Variants in CAPSL observed in about 807,000 individuals in gnomAD.
CAPSL encodes the protein calcyphosine like.
Under a neutral mutation model 21.3 loss-of-function variants are expected in CAPSL, and 17 were observed. That is an observed-to-expected ratio of 0.80 (90% CI 0.55 to 1.20). The LOEUF (loss-of-function observed/expected upper bound fraction) is 1.20, where lower values mean the gene tolerates loss of function less well. CAPSL is among the 50% of genes most tolerant of loss of function. The pLI, the probability that CAPSL is intolerant of heterozygous loss-of-function variation, is 0.00. For synonymous variants in CAPSL, 102 were observed against 89.3 expected, an observed-to-expected ratio of 1.14 and a Z score of -0.80; for missense variants, 289 against 259.3, an observed-to-expected ratio of 1.11 and a Z score of -0.79.
chr5:35,913,618 G>A (rs1177535552), intron 2 of CAPSL, among the ~76,000 whole-genome samples: 4 of 152,138 alleles, frequency 2.6e-5, no homozygotes, highest in Non-Finnish European at 4.4e-5. Flanking sequence ...AGCTTCATAA[G>A]TGAAGGAGAA....
chr5:35,912,051 C>A (rs1247142627), intron 2 of CAPSL, among the ~76,000 whole-genome samples: 1 of 152,208 alleles, frequency 6.6e-6, no homozygotes, highest in Non-Finnish European at 1.5e-5. Flanking sequence ...AAACGGCGCA[C>A]CAGGAGATTA....
chr5:35,910,011 C>T lies in CAPSL; in HGVS notation c.380G>A (p.Gly127Glu). ...MQAFRKLDKT[G>E]DGVITIEDLR... ...GTCTTCGATTGTTATAACACCATCT[C>T]CAGTCTTGTCTAACTTTCTAAAAGC... is the stretch of plus-strand genomic sequence containing the variant. Residue 127 changes from glycine (G) to glutamate (E), a missense_variant, in exon 4 of 5, where the codon GGA (glycine) becomes GAA (glutamate). By Grantham distance (98) the Gly-to-Glu change is moderately conservative. Coordinates refer to ENST00000651391, the MANE Select transcript of CAPSL (RefSeq NM_001042625.2). 4 of 1,613,636 alleles carry T rather than the reference C, an allele frequency of 2.5e-6. No homozygotes were observed. Among genetic ancestry groups the T allele is most frequent in the Non-Finnish European group, 3.4e-6 (4 of 1,179,870 alleles).
At chr5:35,932,418 G>T (rs1738845816) in intron 1 of CAPSL, among the ~76,000 whole-genome samples, 1 of 152,048 alleles carries the variant, frequency 6.6e-6, no homozygotes, top group Non-Finnish European at 1.5e-5. Context: ...CCAAGCAAAA[G>T]AAAAGAAAAA....
In CAPSL at chr5:35,910,013, A is replaced by G. The variant is rs1247946055; in HGVS notation, c.378T>C (p.Thr126=). ...CTTCGATTGTTATAACACCATCTCC[A>G]GTCTTGTCTAACTTTCTAAAAGCTT... The part of the protein sequence containing the change: ...IMQAFRKLDK[T]GDGVITIEDL... Residue 126 remains threonine (T), a synonymous_variant, in exon 4 of 5, where the codon ACT becomes ACC. Transcript: ENST00000651391. The G allele has an allele frequency of 2.5e-6, 4 of 1,613,590 alleles. No individual in the cohort carries two copies. The Admixed American group carries it at 5.0e-5, about 20-fold the overall frequency.
intron 1 of CAPSL, among the ~76,000 whole-genome samples, chr5:35,922,071 GA>G (rs35010602): frequency 0.038 from 5,617 of 146,324 alleles, 151 homozygotes; most frequent in African/African-American, 0.072. Context: ...GCAATGTGCA[GA>G]AAAAAAAAAA....
intron 1 of CAPSL, among the ~76,000 whole-genome samples, chr5:35,931,906 C>T (rs1202608937): frequency 6.6e-6 from 1 of 152,156 alleles, no homozygotes; most frequent in Non-Finnish European, 1.5e-5. Context: ...GGACAAAGCC[C>T]AACTGGTACA....
intron 1 of CAPSL, among the ~76,000 whole-genome samples, chr5:35,934,591 T>G (rs1325878682): frequency 6.6e-6 from 1 of 152,200 alleles, no homozygotes; most frequent in Non-Finnish European, 1.5e-5. Flanking sequence ...AGTATTTATT[T>G]CCCCAGCTTC....
chr5:35,926,240 A>G (rs1406969077), intron 1 of CAPSL, among the ~76,000 whole-genome samples: 1 of 152,174 alleles, frequency 6.6e-6, no homozygotes, highest in Non-Finnish European at 1.5e-5. Flanking sequence ...GGAGATGGCC[A>G]GTGGCAGAAC....
chr5:35,935,871 C>T (rs1168459481), intron 1 of CAPSL, among the ~76,000 whole-genome samples: 2 of 152,114 alleles, frequency 1.3e-5, no homozygotes, highest in Admixed American at 6.6e-5. Context: ...TTCAACCTCC[C>T]ACCATCTCAG....
intron 2 of CAPSL, among the ~76,000 whole-genome samples, chr5:35,919,170 A>ATT (rs1554069748): frequency 2.5e-5 from 3 of 121,270 alleles, no homozygotes; most frequent in African/African-American, 8.9e-5. Context: ...TAAAAAAAAA[A>ATT]ATATATATAT....
intron 2 of CAPSL, among the ~76,000 whole-genome samples, chr5:35,919,666 G>A (rs751006791): frequency 3.3e-5 from 5 of 152,156 alleles, no homozygotes; most frequent in Non-Finnish European, 5.9e-5. Context: ...GAAGGAGAGT[G>A]TTCAGTCTTC....
At chr5:35,915,836 C>G (rs893008084) in intron 2 of CAPSL, among the ~76,000 whole-genome samples, 8 of 152,164 alleles carry the variant, frequency 5.3e-5, no homozygotes, top group African/African-American at 1.9e-4. Flanking sequence ...CACTCCTATT[C>G]AACATAGTGT....
At chr5:35,931,737 G>A (rs909460181) in intron 1 of CAPSL, among the ~76,000 whole-genome samples, 1 of 152,300 alleles carries the variant, frequency 6.6e-6, no homozygotes, top group South Asian at 2.1e-4. Context: ...TAGCTGAATT[G>A]CAATATAGAG....
intron 4 of CAPSL, among the ~76,000 whole-genome samples, chr5:35,905,915 ACTT>A (rs1042930466): frequency 3.9e-5 from 6 of 152,212 alleles, no homozygotes; most frequent in African/African-American, 1.2e-4. Flanking sequence ...TGTGGAATTT[ACTT>A]CTTAAAAATC....
At chr5:35,930,310 T>C (rs1033453487) in intron 1 of CAPSL, among the ~76,000 whole-genome samples, 4 of 152,214 alleles carry the variant, frequency 2.6e-5, no homozygotes, top group South Asian at 4.1e-4. Context: ...TAGTCTTTAC[T>C]TCTTTCTATT....
At chr5:35,912,576 C>T (rs1271390723) in intron 2 of CAPSL, among the ~76,000 whole-genome samples, 3 of 152,174 alleles carry the variant, frequency 2.0e-5, no homozygotes, top group African/African-American at 4.8e-5. Context: ...CTGCAGCCTC[C>T]ACTGCTGATA....
chr5:35,936,567 C>A (rs1040860389), intron 1 of CAPSL, among the ~76,000 whole-genome samples: 2 of 152,218 alleles, frequency 1.3e-5, no homozygotes, highest in African/African-American at 4.8e-5. Flanking sequence ...CTTCAACAGT[C>A]ATTAGCCCTT....
At chr5:35,918,783 C>A (rs2149923943) in intron 2 of CAPSL, among the ~76,000 whole-genome samples, 1 of 152,112 alleles carries the variant, frequency 6.6e-6, no homozygotes, top group Non-Finnish European at 1.5e-5. Context: ...GCTAACAGAA[C>A]TCTAGCAATA....
chr5:35,930,448 A>C (rs1035479242), intron 1 of CAPSL, among the ~76,000 whole-genome samples: 1 of 152,180 alleles, frequency 6.6e-6, no homozygotes, highest in Non-Finnish European at 1.5e-5. Flanking sequence ...CACTTTATTC[A>C]CTGAACCAGG....
Sources: gnomAD v4.1 joint callset for allele counts (sites outside exome capture counted in the v4.1 genomes callset) on GRCh38, gnomAD v4.1.1 for gene constraint, MANE v1.5 for transcripts, NCBI Gene and HGNC (gene_info 2026-07-23, HGNC 2026-07-21) for gene names.